The following SYN3 variants were observed in gnomAD, a reference collection of about 807,000 sequenced individuals.
SYN3 encodes synapsin-3.
In SYN3, 35 loss-of-function variants were observed where a neutral mutation model predicts 65.8. The observed-to-expected ratio is 0.53, with a 90% CI of 0.41 to 0.70. The LOEUF (loss-of-function observed/expected upper bound fraction) is 0.70. SYN3 is among the 30% of genes least tolerant of loss of function. The pLI is 0.00. For missense variants in SYN3, 680 were observed against 749.0 expected (o/e 0.91, Z 1.08); for synonymous variants, 270 against 292.9 (o/e 0.92, Z 0.80).
intron 3 of SYN3, among the ~76,000 whole-genome samples, chr22:32,932,232 C>T (rs192358994): frequency 8.0e-6 from 1 of 125,550 alleles, no homozygotes; most frequent in Admixed American, 8.8e-5. Context: ...AACGGACCCA[C>T]CCCCCACCCT....
At chr22:32,544,822 G>C (rs2058312743) in intron 7 of SYN3, among the ~76,000 whole-genome samples, 1 of 152,216 alleles carries the variant, frequency 6.6e-6, no homozygotes, top group African/African-American at 2.4e-5. Flanking sequence ...TGGTGGCCTT[G>C]GAAAGAACCA....
At chr22:33,041,474 T>A (rs1458373313) in intron 1 of SYN3, among the ~76,000 whole-genome samples, 1 of 151,674 alleles carries the variant, frequency 6.6e-6, no homozygotes, top group African/African-American at 2.4e-5. Context: ...TTTTTTTGGA[T>A]TTTTAGTAGA....
intron 6 of SYN3, among the ~76,000 whole-genome samples, chr22:32,632,453 AG>A (rs1180823553): frequency 6.6e-6 from 1 of 152,282 alleles, no homozygotes; most frequent in East Asian, 1.9e-4. Flanking sequence ...TGAGTGGTGC[AG>A]TGTTTGATAA....
chr22:32,671,299 C>A (rs1052510798), intron 6 of SYN3, among the ~76,000 whole-genome samples: 1 of 151,880 alleles, frequency 6.6e-6, no homozygotes, highest in Non-Finnish European at 1.5e-5. Context: ...CTCACAGACA[C>A]GCACACATTC....
chr22:32,574,771 T>A (rs1366369381), intron 7 of SYN3, among the ~76,000 whole-genome samples: 1 of 152,220 alleles, frequency 6.6e-6, no homozygotes, highest in Non-Finnish European at 1.5e-5. Context: ...AGCTGATGGA[T>A]CATCCCATCT....
At chr22:32,931,325 G>T (rs992019222) in intron 4 of SYN3, 65 bp downstream of exon 4, 2 of 1,072,688 alleles carry the variant, frequency 1.9e-6, no homozygotes, top group Non-Finnish European at 2.9e-6. Flanking sequence ...GGACGGAGGG[G>T]TGGGCTACAT....
At chr22:32,979,961 C>T (rs1192583819) in intron 3 of SYN3, among the ~76,000 whole-genome samples, 1 of 152,026 alleles carries the variant, frequency 6.6e-6, no homozygotes, top group Non-Finnish European at 1.5e-5. Context: ...GAGAGGAGGT[C>T]CTCGCGGAAC....
At chr22:32,643,991 T>A (rs2059944813) in intron 6 of SYN3, among the ~76,000 whole-genome samples, 1 of 136,652 alleles carries the variant, frequency 7.3e-6, no homozygotes, top group Admixed American at 8.7e-5. Context: ...GGCAGGAGAA[T>A]CGCTTGAACC....
intron 6 of SYN3, among the ~76,000 whole-genome samples, chr22:32,664,121 G>T (rs2060256526): frequency 6.6e-6 from 1 of 152,152 alleles, no homozygotes; most frequent in Non-Finnish European, 1.5e-5. Flanking sequence ...GAGTCTTAAG[G>T]TCACACAGGG....
chr22:33,028,670 G>GTGGTGGTGGTGGTGGTGA (rs2053685727), intron 1 of SYN3, among the ~76,000 whole-genome samples: 6 of 118,074 alleles, frequency 5.1e-5, no homozygotes, highest in African/African-American at 1.5e-4. Context: ...GGTGGTGGTG[G>GTGGTGGTGGTGGTGGTGA]TGGTGGTGGT....
At chr22:33,033,627 A>T (rs9609683) in intron 1 of SYN3, among the ~76,000 whole-genome samples, 26,411 of 152,074 alleles carry the variant, frequency 0.17, 2,677 homozygotes, top group East Asian at 0.41. Flanking sequence ...CAGAACTCAC[A>T]AGGGGCCAAT....
intron 6 of SYN3, among the ~76,000 whole-genome samples, chr22:32,826,998 G>C (rs1386205968): frequency 6.6e-6 from 1 of 152,184 alleles, no homozygotes; most frequent in Non-Finnish European, 1.5e-5. Flanking sequence ...AACCCAAGAT[G>C]CTTTCAATCC....
chr22:32,622,709 C>A lies in SYN3; in HGVS notation c.712-25973G>T, dbSNP rs145575787. On this transcript the variant is annotated intron_variant, in intron 6 of 13. Coordinates refer to ENST00000358763, the MANE Select transcript of SYN3 (RefSeq NM_003490.4). ...GTTGAGCTGCAAAGGGGCTGTGGATCTCCAGAAATCGGATGCAAAAAAAAA... is the reference window on the plus strand; with the variant it reads ...GTTGAGCTGCAAAGGGGCTGTGGATATCCAGAAATCGGATGCAAAAAAAAA... 4.6e-3 allele frequency among the ~76,000 whole-genome samples: 650 copies of A among 141,422 alleles called. 3 individuals are homozygous for A. Among genetic ancestry groups the A allele is most frequent in the South Asian group, 0.017 (72 of 4,320 alleles). The allele number at this position is 141,422 out of a possible 152,430, so 92.8% of individuals were successfully genotyped here. A position where few individuals can be genotyped will look rare whatever the true frequency, so the allele number is the denominator to read the frequency against.
intron 6 of SYN3, among the ~76,000 whole-genome samples, chr22:32,618,908 A>G (rs2059557365): frequency 6.6e-6 from 1 of 152,220 alleles, no homozygotes; most frequent in African/African-American, 2.4e-5. Context: ...AGTAGATCCA[A>G]TGCCAACACT....
chr22:32,852,354 A>AGAG (rs2048243705), intron 6 of SYN3, among the ~76,000 whole-genome samples: 1 of 152,182 alleles, frequency 6.6e-6, no homozygotes, highest in East Asian at 1.9e-4. Context: ...GGGAACAAAA[A>AGAG]GAGGTCAGTT....
chr22:32,780,105 C>G (rs577812810), intron 6 of SYN3, among the ~76,000 whole-genome samples: 2,100 of 91,708 alleles, frequency 0.023, 61 homozygotes, highest in African/African-American at 0.077. Flanking sequence ...AGAAAAAAAA[C>G]AGAAATGGCC....
intron 7 of SYN3, among the ~76,000 whole-genome samples, chr22:32,587,851 TAGA>T (rs763722166): frequency 7.9e-5 from 12 of 152,194 alleles, no homozygotes; most frequent in Non-Finnish European, 1.5e-4. Flanking sequence ...AGGGTCTTCT[TAGA>T]AGGACAACAA....
intron 6 of SYN3, among the ~76,000 whole-genome samples, chr22:32,672,615 C>T (rs1275744160): frequency 1.3e-5 from 2 of 152,250 alleles, no homozygotes; most frequent in African/African-American, 4.8e-5. Context: ...GTCCCTCCGC[C>T]TGGTGAGAAG....
At chr22:32,838,119 G>C (rs925648897) in intron 6 of SYN3, among the ~76,000 whole-genome samples, 1 of 152,170 alleles carries the variant, frequency 6.6e-6, no homozygotes, top group Non-Finnish European at 1.5e-5. Flanking sequence ...GCTTCTTAAA[G>C]GTAGGAACCT....
Sources: allele counts gnomAD v4.1 joint callset (sites outside exome capture counted in the v4.1 genomes callset), GRCh38; gene constraint gnomAD v4.1.1; transcripts MANE v1.5; gene names NCBI Gene and HGNC (gene_info 2026-07-23, HGNC 2026-07-21).